Variants in SRD5A1 observed in about 807,000 individuals in gnomAD.
The protein encoded by SRD5A1 is 3-oxo-5-alpha-steroid 4-dehydrogenase 1.
In SRD5A1, 22 loss-of-function variants were observed where a neutral mutation model predicts 28.2. That is an observed-to-expected ratio of 0.78 (90% CI 0.56 to 1.12). The LOEUF is 1.12. Among genes scored for constraint, SRD5A1 ranks in the 50% most tolerant of loss-of-function variants. The pLI is 0.00. For missense variants in SRD5A1, 300 were observed against 346.7 expected (o/e 0.87, Z 1.07); for synonymous variants, 151 against 135.0 (o/e 1.12, Z -0.82).
chr5:6,656,166 C>T lies in SRD5A1; in HGVS notation c.549C>T (p.Tyr183=). 1 of 1,613,050 alleles carries T rather than the reference C, an allele frequency of 6.2e-7. No individual in the cohort carries two copies. Among genetic ancestry groups the T allele is most frequent in the Non-Finnish European group, 8.5e-7 (1 of 1,179,126 alleles). The change falls in exon 3 of 5, where the codon TAC becomes TAT. Residue 183 remains tyrosine (Y), a synonymous_variant. Coordinates refer to ENST00000274192, the MANE Select transcript of SRD5A1 (RefSeq NM_001047.4). ...TCAGAAAACCAGGAGATACTGGATA[C>T]AAAATACCAAGGGGTACGTACAGAA... ...RNLRKPGDTG[Y]KIPRGGLFEY... is the part of the protein sequence containing the mutation.
At chr5:6,660,857 C>T (rs954719344) in intron 3 of SRD5A1, among the ~76,000 whole-genome samples, 5 of 152,144 alleles carry the variant, frequency 3.3e-5, no homozygotes, top group African/African-American at 1.2e-4. Context: ...ACTCAGGAAA[C>T]TTACAATCAT....
rs1056655385 is a variant in SRD5A1 at position 6,671,148 on chromosome 5, C to T, written c.*2880C>T. 9 of 152,090 alleles carry T rather than the reference C, an allele frequency of 5.9e-5. No individual in the cohort carries two copies. Among genetic ancestry groups the T allele is most frequent in the Admixed American group, 3.9e-4 (6 of 15,264 alleles). 9.4% of individuals were successfully genotyped at this position (152,090 alleles called of 1,614,324 possible). A position where few individuals can be genotyped will look rare whatever the true frequency, so the allele number is the denominator to read the frequency against. ...CAGTGTGGAAGTGTTCCATGATTGC[C>T]GCATGCATGCCAACATCTACTGTTT... is the stretch of plus-strand genomic sequence containing the variant. On this transcript the variant is annotated 3_prime_UTR_variant, in exon 5 of 5. Transcript: ENST00000274192.
chr5:6,660,924 TGAAGGGG>T (rs1471660017), intron 3 of SRD5A1, among the ~76,000 whole-genome samples: 1 of 151,578 alleles, frequency 6.6e-6, no homozygotes, highest in Non-Finnish European at 1.5e-5. Flanking sequence ...AGAGAGCGAG[TGAAGGGG>T]GATCTGCCTC....
Position 6,633,553 on chromosome 5 carries a change from G to A in SRD5A1, c.-24G>A. ...TTGCCCGCCGCGGCCTCTGGGGCAT[G>A]GAGCACGCTGCCCAGCCCTGGCGAT... On this transcript the variant is annotated 5_prime_UTR_variant, in exon 1 of 5. It removes an upstream start codon present in the reference 5' UTR. Coordinates refer to ENST00000274192, the MANE Select transcript of SRD5A1 (RefSeq NM_001047.4). The A allele has an allele frequency of 6.7e-7, 1 of 1,482,272 alleles. No individual in the cohort carries two copies. Among genetic ancestry groups the A allele is most frequent in the Non-Finnish European group, 8.9e-7 (1 of 1,124,272 alleles). 91.8% of individuals were successfully genotyped at this position (1,482,272 alleles called of 1,614,324 possible).
At chr5:6,656,682 A>T (rs1579409258) in intron 3 of SRD5A1, among the ~76,000 whole-genome samples, 1 of 152,172 alleles carries the variant, frequency 6.6e-6, no homozygotes, top group South Asian at 2.1e-4. Context: ...CTGGTTTATA[A>T]CCCAGATTCG....
intron 2 of SRD5A1, 31 bp downstream of exon 2, chr5:6,652,039 G>A (rs1457769584): frequency 6.3e-7 from 1 of 1,588,660 alleles, no homozygotes; most frequent in Admixed American, 1.7e-5. Context: ...ACTCCGCCTT[G>A]TTCACATCAT....
intron 1 of SRD5A1, among the ~76,000 whole-genome samples, chr5:6,644,087 G>A (rs989817436): frequency 6.6e-6 from 1 of 152,210 alleles, no homozygotes; most frequent in African/African-American, 2.4e-5. Flanking sequence ...CACCACATAC[G>A]CAGAATGTTT....
intron 3 of SRD5A1, among the ~76,000 whole-genome samples, chr5:6,659,403 G>A (rs13164181): frequency 3.9e-5 from 6 of 152,138 alleles, no homozygotes; most frequent in South Asian, 2.1e-4. Flanking sequence ...GTGAGCCACC[G>A]TGCCCGGCCA....
chr5:6,638,693 A>G (rs1738273522), intron 1 of SRD5A1, among the ~76,000 whole-genome samples: 1 of 152,270 alleles, frequency 6.6e-6, no homozygotes, highest in South Asian at 2.1e-4. Flanking sequence ...TAATCTGAGA[A>G]AAGAAAAACT....
In SRD5A1 at chr5:6,662,799, T is replaced by C; in HGVS notation, c.563-17T>C. The C allele has an allele frequency of 6.2e-7, 1 of 1,610,074 alleles. No homozygotes were observed. Among genetic ancestry groups the C allele is most frequent in the African/African-American group, 1.3e-5 (1 of 74,946 alleles). Reference sequence around the variant, plus strand: ...TTTTGTAGTAAATGCACTACTTTGGTCTGTGTTTTCTTCTAGGAGGCTTAT... The same window carrying C: ...TTTTGTAGTAAATGCACTACTTTGGCCTGTGTTTTCTTCTAGGAGGCTTAT... On this transcript the variant is annotated splice_polypyrimidine_tract_variant and intron_variant, in intron 3 of 4. Coordinates refer to ENST00000274192, the MANE Select transcript of SRD5A1 (RefSeq NM_001047.4).
chr5:6,661,393 C>CA (rs1433528510), intron 3 of SRD5A1, among the ~76,000 whole-genome samples: 28 of 56,990 alleles, frequency 4.9e-4, no homozygotes, highest in African/African-American at 2.3e-3. Context: ...ATACAAAACT[C>CA]CAAAAAAAAA....
rs748543423 is a variant in SRD5A1, at chr5:6,674,228, A to G, written c.*5960A>G. 7.9e-5 allele frequency: 12 copies of G among 152,080 alleles called. No homozygotes were observed. The highest frequency in any genetic ancestry group is 1.2e-4 in the African/African-American group (5 of 41,416). 9.4% of individuals were successfully genotyped at this position (152,080 alleles called of 1,614,324 possible). A position where few individuals can be genotyped will look rare whatever the true frequency, so the allele number is the denominator to read the frequency against. ...TATTATTATTATGTTAATATCATCA[A>G]CTGTAACTAGTGTACAACACTAATG... On this transcript the variant is annotated 3_prime_UTR_variant, in exon 5 of 5. Coordinates refer to ENST00000274192, the MANE Select transcript of SRD5A1 (RefSeq NM_001047.4).
chr5:6,645,912 G>A (rs1355432779), intron 1 of SRD5A1, among the ~76,000 whole-genome samples: 1 of 151,960 alleles, frequency 6.6e-6, no homozygotes, highest in Non-Finnish European at 1.5e-5. Flanking sequence ...TGTTACATAG[G>A]TATACACATG....
At chr5:6,635,472 C>T (rs1738155885) in intron 1 of SRD5A1, among the ~76,000 whole-genome samples, 1 of 152,170 alleles carries the variant, frequency 6.6e-6, no homozygotes, top group South Asian at 2.1e-4. Context: ...TATCCTAGTC[C>T]CATCAGTCAT....
chr5:6,633,952 TCCCCGAAG>T, intron 1 of SRD5A1, 83 bp downstream of exon 1: 1 of 1,470,632 alleles, frequency 6.8e-7, no homozygotes, highest in Non-Finnish European at 9.3e-7. Context: ...CGGTGCCCTC[TCCCCGAAG>T]CCTCCCCCAC....
At chr5:6,655,287 T>C (rs1414631619) in intron 2 of SRD5A1, among the ~76,000 whole-genome samples, 1 of 152,274 alleles carries the variant, frequency 6.6e-6, no homozygotes, top group Non-Finnish European at 1.5e-5. Flanking sequence ...TCAATATTTC[T>C]TTTATAAAAC....
chr5:6,633,531 C>T lies in SRD5A1; in HGVS notation c.-46C>T, dbSNP rs1383509286. On this transcript the variant is annotated 5_prime_UTR_variant, in exon 1 of 5. Coordinates refer to ENST00000274192, the MANE Select transcript of SRD5A1 (RefSeq NM_001047.4). Reference sequence around the variant, plus strand: ...CCCCGCGCCGCCGCCCTATATGTTGCCCGCCGCGGCCTCTGGGGCATGGAG... The same window carrying T: ...CCCCGCGCCGCCGCCCTATATGTTGTCCGCCGCGGCCTCTGGGGCATGGAG... The T allele has an allele frequency of 2.1e-6, 3 of 1,427,282 alleles. No homozygotes were observed. The highest frequency in any genetic ancestry group is 1.5e-5 in the South Asian group (1 of 67,810). The allele number at this position is 1,427,282 out of a possible 1,614,324, so 88.4% of individuals were successfully genotyped here.
intron 3 of SRD5A1, among the ~76,000 whole-genome samples, chr5:6,656,691 C>T (rs575115815): frequency 2.0e-5 from 3 of 152,252 alleles, no homozygotes; most frequent in East Asian, 1.9e-4. Context: ...AACCCAGATT[C>T]GCACTACTTG....
intron 3 of SRD5A1, among the ~76,000 whole-genome samples, chr5:6,656,580 A>C (rs1310080589): frequency 6.6e-6 from 1 of 152,218 alleles, no homozygotes; most frequent in Non-Finnish European, 1.5e-5. Context: ...ACTATCAAGA[A>C]AGGAACTAAT....
Sources: allele counts gnomAD v4.1 joint callset (sites outside exome capture counted in the v4.1 genomes callset), GRCh38; gene constraint gnomAD v4.1.1; transcripts MANE v1.5; gene names NCBI Gene and HGNC (gene_info 2026-07-23, HGNC 2026-07-21).